Variants in TEC observed in about 807,000 individuals in gnomAD.
TEC encodes tyrosine-protein kinase Tec.
TEC carries 72 observed loss-of-function variants against 93.0 expected under a neutral mutation model. That is an observed-to-expected ratio of 0.77 (90% confidence interval 0.64 to 0.94). The LOEUF is 0.94. TEC is among the 40% of genes least tolerant of loss of function. The pLI, the probability that TEC is intolerant of heterozygous loss-of-function variation, is 0.00. For synonymous variants in TEC, 249 were observed against 247.7 expected, an observed-to-expected ratio of 1.01 and a Z score of -0.05; for missense variants, 630 against 757.9, an observed-to-expected ratio of 0.83 and a Z score of 1.98.
chr4:48,164,615 AG>A (rs1720806613), intron 7 of TEC, among the ~76,000 whole-genome samples: 1 of 152,190 alleles, frequency 6.6e-6, no homozygotes, highest in Non-Finnish European at 1.5e-5. Context: ...AAGGCCCAGA[AG>A]GAACGGCAAT....
chr4:48,160,513 G>C (rs1258516171), intron 8 of TEC, among the ~76,000 whole-genome samples: 1 of 152,064 alleles, frequency 6.6e-6, no homozygotes, highest in Non-Finnish European at 1.5e-5. Flanking sequence ...GATCACTTCA[G>C]GTCAAGAGTT....
intron 15 of TEC, 123 bp downstream of exon 15, chr4:48,141,227 CTTAAT>C (rs1267056128): frequency 5.1e-6 from 4 of 778,884 alleles, no homozygotes; most frequent in Non-Finnish European, 4.3e-6. Context: ...ACAATATATA[CTTAAT>C]TTAATCTGAG....
intron 7 of TEC, among the ~76,000 whole-genome samples, chr4:48,164,217 C>G (rs1720787872): frequency 1.3e-5 from 2 of 152,168 alleles, no homozygotes; most frequent in African/African-American, 4.8e-5. Flanking sequence ...ATTAAAAATA[C>G]CCACCACTCT....
chr4:48,183,885 C>G (rs1721696350), intron 2 of TEC, among the ~76,000 whole-genome samples: 1 of 152,028 alleles, frequency 6.6e-6, no homozygotes, highest in African/African-American at 2.4e-5. Flanking sequence ...TCACAGTAAC[C>G]CTAGGAAGTT....
intron 2 of TEC, among the ~76,000 whole-genome samples, chr4:48,196,143 T>A (rs1722294954): frequency 6.6e-6 from 1 of 152,134 alleles, no homozygotes; most frequent in Admixed American, 6.5e-5. Context: ...TCTGATTGTG[T>A]CTGTGATGGT....
chr4:48,180,849 C>CG, intron 2 of TEC, among the ~76,000 whole-genome samples: 1 of 152,220 alleles, frequency 6.6e-6, no homozygotes, highest in Middle Eastern at 3.4e-3. Flanking sequence ...TAATGATTAA[C>CG]GGCAGGTGAA....
At chr4:48,150,357 G>A (rs1720105427) in intron 10 of TEC, among the ~76,000 whole-genome samples, 1 of 152,260 alleles carries the variant, frequency 6.6e-6, no homozygotes, top group Admixed American at 6.5e-5. Flanking sequence ...CTCCCTCCAA[G>A]TTTTTCCTGC....
At chr4:48,228,294 AC>A (rs923205736) in intron 2 of TEC, among the ~76,000 whole-genome samples, 182 bp downstream of exon 2, 23 of 152,310 alleles carry the variant, frequency 1.5e-4, no homozygotes, top group African/African-American at 5.5e-4. Context: ...ATTATAATAA[AC>A]CTATAATTAA....
At chr4:48,144,403 G>A (rs990914837) in intron 14 of TEC, among the ~76,000 whole-genome samples, 2 of 152,062 alleles carry the variant, frequency 1.3e-5, no homozygotes, top group African/African-American at 4.8e-5. Context: ...ATTTTCAGCT[G>A]ATTATTTTCA....
At chr4:48,269,133 G>A (rs1169482150) in intron 1 of TEC, among the ~76,000 whole-genome samples, 2 of 152,174 alleles carry the variant, frequency 1.3e-5, no homozygotes, top group African/African-American at 2.4e-5. Flanking sequence ...GGAAGAGAAC[G>A]TGAACTTCAC....
intron 3 of TEC, among the ~76,000 whole-genome samples, chr4:48,174,754 T>C (rs1721256232): frequency 6.6e-6 from 1 of 152,208 alleles, no homozygotes; most frequent in Non-Finnish European, 1.5e-5. Flanking sequence ...GGTTTAAATT[T>C]ATCTTACTTC....
At chr4:48,177,867 T>G (rs1721394654) in intron 2 of TEC, among the ~76,000 whole-genome samples, 1 of 152,214 alleles carries the variant, frequency 6.6e-6, no homozygotes, top group Admixed American at 6.5e-5. Context: ...TACTCATTTC[T>G]GCTCGCTCTC....
chr4:48,218,786 G>A (rs1024619340), intron 2 of TEC, among the ~76,000 whole-genome samples: 2 of 152,182 alleles, frequency 1.3e-5, no homozygotes, highest in Non-Finnish European at 2.9e-5. Context: ...CTATACAAAT[G>A]AGAGATTTCC....
At chr4:48,151,016 C>A (rs1243821975) in intron 9 of TEC, 74 bp from the exon 10 acceptor site, 22 of 946,254 alleles carry the variant, frequency 2.3e-5, no homozygotes, top group Non-Finnish European at 2.9e-5. Flanking sequence ...GACTAAAGAA[C>A]CTAATATTAT....
At chr4:48,200,157 G>T (rs1722450616) in intron 2 of TEC, among the ~76,000 whole-genome samples, 1 of 152,054 alleles carries the variant, frequency 6.6e-6, no homozygotes, top group Non-Finnish European at 1.5e-5. Flanking sequence ...GAAAGAGGGG[G>T]AGAAGTTAGC....
chr4:48,136,174 A>C lies in TEC; in HGVS notation c.*1242T>G, dbSNP rs1719408819. ...CCTTGGCGCTCACAAGGCAAAAAGG[A>C]AGGCCCTAATTCCGTTGATGTCTTA... On this transcript the variant is annotated 3_prime_UTR_variant, in exon 18 of 18. Transcript: ENST00000381501. The C allele has an allele frequency of 6.6e-6, 1 of 152,224 alleles. No individual in the cohort carries two copies. Among genetic ancestry groups the C allele is most frequent in the South Asian group, 2.1e-4 (1 of 4,824 alleles). 9.4% of individuals were successfully genotyped at this position (152,224 alleles called of 1,614,324 possible).
At chr4:48,227,336 A>G (rs1723499861) in intron 2 of TEC, among the ~76,000 whole-genome samples, 1 of 152,112 alleles carries the variant, frequency 6.6e-6, no homozygotes, top group African/African-American at 2.4e-5. Flanking sequence ...ACTCTAGAAA[A>G]AAAACAGAAT....
intron 1 of TEC, among the ~76,000 whole-genome samples, chr4:48,234,740 C>T (rs1189730955): frequency 2.6e-5 from 4 of 152,096 alleles, no homozygotes; most frequent in Middle Eastern, 3.4e-3. Context: ...GGTGTGAGAG[C>T]AGGAAGTATG....
intron 2 of TEC, among the ~76,000 whole-genome samples, chr4:48,215,077 C>T (rs145795515): frequency 0.086 from 13,075 of 151,626 alleles, 700 homozygotes; most frequent in East Asian, 0.22. Context: ...CGCTTGAACC[C>T]GGGAGGCGGA....
Sources: gnomAD v4.1 joint callset for allele counts (sites outside exome capture counted in the v4.1 genomes callset) on GRCh38, gnomAD v4.1.1 for gene constraint, MANE v1.5 for transcripts, NCBI Gene and HGNC (gene_info 2026-07-23, HGNC 2026-07-21) for gene names.